TTLL11: variants seen among roughly 807,000 people sequenced by gnomAD.
TTLL11 encodes the protein tubulin polyglutamylase TTLL11.
TTLL11 carries 42 observed loss-of-function variants against 51.7 expected under a neutral mutation model. The observed-to-expected ratio is 0.81, with a 90% CI of 0.64 to 1.05. The LOEUF (loss-of-function observed/expected upper bound fraction) is 1.05, where lower values mean the gene tolerates loss of function less well. Among genes scored for constraint, TTLL11 ranks in the 50% least tolerant of loss-of-function variants. The pLI, the probability that TTLL11 is intolerant of heterozygous loss-of-function variation, is 0.00. For missense variants in TTLL11, 799 were observed against 940.4 expected (o/e 0.85, Z 1.97); for synonymous variants, 381 against 383.5 (o/e 0.99, Z 0.08).
chr9:121,897,465 C>G (rs926903428), intron 6 of TTLL11, among the ~76,000 whole-genome samples: 1 of 152,146 alleles, frequency 6.6e-6, no homozygotes, highest in Non-Finnish European at 1.5e-5. Context: ...TCAGCCTCAT[C>G]AGTGCTCCGG....
intron 6 of TTLL11, among the ~76,000 whole-genome samples, chr9:121,895,942 T>C (rs1488415318): frequency 1.3e-3 from 18 of 13,924 alleles, no homozygotes; most frequent in Non-Finnish European, 2.2e-3. Flanking sequence ...GTGGGTGTGT[T>C]TGTGTGGGTG....
At chr9:121,956,595 G>A (rs1026047051) in intron 6 of TTLL11, among the ~76,000 whole-genome samples, 3 of 152,306 alleles carry the variant, frequency 2.0e-5, no homozygotes. Flanking sequence ...CCTACTGGCC[G>A]CCCTGCTGAG....
intron 7 of TTLL11, among the ~76,000 whole-genome samples, chr9:121,868,829 A>G (rs1838255921): frequency 1.3e-5 from 2 of 152,240 alleles, no homozygotes; most frequent in South Asian, 4.1e-4. Context: ...ACATGTGCCT[A>G]TTGATTTTTT....
intron 1 of TTLL11, among the ~76,000 whole-genome samples, chr9:122,060,728 G>A (rs1230529241): frequency 2.6e-5 from 4 of 152,180 alleles, no homozygotes; most frequent in Non-Finnish European, 5.9e-5. Context: ...GGGGGGAGAA[G>A]TTGGACTACA....
chr9:121,941,373 G>A (rs1841460629), intron 6 of TTLL11, among the ~76,000 whole-genome samples: 1 of 152,170 alleles, frequency 6.6e-6, no homozygotes, highest in Non-Finnish European at 1.5e-5. Flanking sequence ...ACTATTGACA[G>A]GCTGATGGCT....
chr9:122,030,692 C>T (rs552518286), intron 3 of TTLL11, among the ~76,000 whole-genome samples: 3 of 148,886 alleles, frequency 2.0e-5, no homozygotes, highest in South Asian at 4.3e-4. Flanking sequence ...GAGGCTGAGG[C>T]GGGCAGATCA....
chr9:121,858,375 C>T (rs1310699548), intron 8 of TTLL11, among the ~76,000 whole-genome samples: 1 of 152,212 alleles, frequency 6.6e-6, no homozygotes, highest in Non-Finnish European at 1.5e-5. Context: ...CCATGCCTCT[C>T]TAGGCCTCAG....
At chr9:121,925,389 CG>C (rs2131535311) in intron 6 of TTLL11, among the ~76,000 whole-genome samples, 1 of 152,314 alleles carries the variant, frequency 6.6e-6, no homozygotes, top group South Asian at 2.1e-4. Context: ...CTCCCGCTGC[CG>C]GGCCTCCATC....
rs1836544441 is a variant in TTLL11 at position 121,820,481 on chromosome 9, G to A, written c.*2106C>T. Among the ~76,000 whole-genome samples the A allele has an allele frequency of 6.6e-6, 1 of 152,154 alleles. No individual in the cohort carries two copies. Among genetic ancestry groups the A allele is most frequent in the Non-Finnish European group, 1.5e-5 (1 of 68,030 alleles). On this transcript the variant is annotated 3_prime_UTR_variant, in exon 9 of 9. Transcript: ENST00000321582. ...GTTTCTCACAATGGACCATTTAGGA[G>A]CCCTGACTGCCTTGTCCCATGCCAC... is the stretch of plus-strand genomic sequence containing the variant.
chr9:122,001,586 C>T lies in TTLL11; in HGVS notation c.694-11816G>A, dbSNP rs185809374. ...GGTCAAGGTCGCCAAGATGGACACT[C>T]GCCCTGAGTCCCAGCGGCACAGCCT... is the stretch of plus-strand genomic sequence containing the variant. On this transcript the variant is annotated intron_variant, in intron 3 of 8. Coordinates refer to ENST00000321582, the MANE Select transcript of TTLL11 (RefSeq NM_001139442.2). Among the ~76,000 whole-genome samples the T allele has an allele frequency of 2.5e-3, 388 of 152,246 alleles. 1 individual carries two copies. The highest frequency in any genetic ancestry group is 8.8e-3 in the African/African-American group (366 of 41,534).
intron 6 of TTLL11, among the ~76,000 whole-genome samples, chr9:121,920,817 G>A (rs1030835334): frequency 1.3e-5 from 2 of 152,174 alleles, no homozygotes; most frequent in Admixed American, 6.5e-5. Flanking sequence ...CCATGAAGAC[G>A]AGCAGCCTCC....
chr9:122,032,752 T>C (rs943709710), intron 2 of TTLL11, among the ~76,000 whole-genome samples: 21 of 151,284 alleles, frequency 1.4e-4, no homozygotes, highest in Admixed American at 5.3e-4. Context: ...TTTAAGCAAA[T>C]AGGTAAAAAT....
intron 1 of TTLL11, among the ~76,000 whole-genome samples, chr9:122,059,438 C>T (rs910877702): frequency 3.3e-5 from 5 of 152,158 alleles, no homozygotes; most frequent in Admixed American, 1.3e-4. Context: ...GGCACAGGGA[C>T]GTCAAGTAAC....
chr9:121,940,643 T>C (rs1841418765), intron 6 of TTLL11, among the ~76,000 whole-genome samples: 3 of 152,064 alleles, frequency 2.0e-5, no homozygotes, highest in Admixed American at 1.3e-4. Flanking sequence ...CAGCCGACTT[T>C]CTCTCTCTTG....
At chr9:121,922,039 T>G (rs1840564398) in intron 6 of TTLL11, among the ~76,000 whole-genome samples, 1 of 152,126 alleles carries the variant, frequency 6.6e-6, no homozygotes, top group Admixed American at 6.5e-5. Flanking sequence ...TGGCGACTGG[T>G]CAGCACTTTC....
chr9:122,025,135 A>G (rs1844292286), intron 3 of TTLL11, among the ~76,000 whole-genome samples: 1 of 151,988 alleles, frequency 6.6e-6, no homozygotes, highest in South Asian at 2.1e-4. Context: ...TCAAAGCTCA[A>G]TAATAAAAAT....
At chr9:122,017,436 G>A (rs888966912) in intron 3 of TTLL11, among the ~76,000 whole-genome samples, 1 of 150,780 alleles carries the variant, frequency 6.6e-6, no homozygotes, top group Non-Finnish European at 1.5e-5. Flanking sequence ...CAAAAAATAT[G>A]AGAATATCTC....
At chr9:121,999,583 C>G (rs1157639517) in intron 3 of TTLL11, among the ~76,000 whole-genome samples, 1 of 152,180 alleles carries the variant, frequency 6.6e-6, no homozygotes, top group Non-Finnish European at 1.5e-5. Flanking sequence ...GCTGCAATAG[C>G]TTCCTAGGTG....
chr9:122,013,446 A>C (rs1378715761), intron 3 of TTLL11, among the ~76,000 whole-genome samples: 1 of 152,170 alleles, frequency 6.6e-6, no homozygotes, highest in East Asian at 1.9e-4. Flanking sequence ...AGGTTTGTGC[A>C]GTGAAGAAGA....
Sources: gnomAD v4.1 joint callset for allele counts (sites outside exome capture counted in the v4.1 genomes callset) on GRCh38, gnomAD v4.1.1 for gene constraint, MANE v1.5 for transcripts, NCBI Gene and HGNC (gene_info 2026-07-23, HGNC 2026-07-21) for gene names.